Variants in EFHB observed in about 807,000 individuals in gnomAD.
EFHB encodes EF-hand domain-containing family member B.
EFHB carries 91 observed loss-of-function variants against 87.2 expected under a neutral mutation model. The ratio of observed to expected loss-of-function variants is 1.04; its 90% CI spans 0.88 to 1.24. EFHB has a LOEUF of 1.24. EFHB is among the 50% of genes most tolerant of loss of function. EFHB has a pLI of 0.00. For synonymous variants in EFHB, 325 were observed against 333.6 expected (o/e 0.97, Z 0.28); for missense variants, 1,084 against 998.8 (o/e 1.09, Z -1.15).
chr3:19,912,041 G>A (rs1222579467), intron 5 of EFHB, among the ~76,000 whole-genome samples: 1 of 152,018 alleles, frequency 6.6e-6, no homozygotes, highest in African/African-American at 2.4e-5. Flanking sequence ...TTTATTCAAA[G>A]GGATAACAGA....
At chr3:19,929,506 C>T (rs1257137872) in intron 1 of EFHB, among the ~76,000 whole-genome samples, 1 of 151,722 alleles carries the variant, frequency 6.6e-6, no homozygotes, top group Non-Finnish European at 1.5e-5. Flanking sequence ...GAGTTCAAGA[C>T]CAGCCTGGCC....
chr3:19,910,323 C>T (rs2929370), intron 5 of EFHB, among the ~76,000 whole-genome samples: 26,416 of 152,044 alleles, frequency 0.17, 2,701 homozygotes, highest in African/African-American at 0.27. Flanking sequence ...CAGTATTCCT[C>T]ATGGCCTGGG....
At chr3:19,920,206 T>C (rs926631885) in intron 2 of EFHB, among the ~76,000 whole-genome samples, 4 of 152,164 alleles carry the variant, frequency 2.6e-5, no homozygotes, top group African/African-American at 9.7e-5. Context: ...CTAAACAACA[T>C]ATTTTAAATG....
chr3:19,939,197 T>G (rs559884500), upstream of EFHB, among the ~76,000 whole-genome samples: 1 of 151,844 alleles, frequency 6.6e-6, no homozygotes, highest in African/African-American at 2.4e-5. Flanking sequence ...CGAGTCAACA[T>G]GCCCAGCCTA....
intron 5 of EFHB, among the ~76,000 whole-genome samples, chr3:19,907,574 T>C (rs1694881572): frequency 6.6e-6 from 1 of 152,186 alleles, no homozygotes; most frequent in Non-Finnish European, 1.5e-5. Flanking sequence ...CATCAGAACA[T>C]TGCGACCCTC....
intron 11 of EFHB, 33 bp downstream of exon 11, chr3:19,884,370 A>T: frequency 6.3e-7 from 1 of 1,591,142 alleles, no homozygotes; most frequent in Non-Finnish European, 8.6e-7. Context: ...CAGTTTGTTG[A>T]TGCTTTTAAA....
chr3:19,903,176 CA>C (rs376542389), intron 6 of EFHB, among the ~76,000 whole-genome samples: 28,007 of 133,614 alleles, frequency 0.21, 3,037 homozygotes, highest in Non-Finnish European at 0.28. Context: ...GACTCCATCT[CA>C]AAAAAAAAAA....
chr3:19,906,349 A>C (rs972493804), intron 5 of EFHB, among the ~76,000 whole-genome samples: 1 of 152,194 alleles, frequency 6.6e-6, no homozygotes, highest in Non-Finnish European at 1.5e-5. Context: ...AGAACTAATA[A>C]GTGAATTAAG....
upstream of EFHB, among the ~76,000 whole-genome samples, chr3:19,938,024 C>A (rs1344440925): frequency 6.6e-6 from 1 of 152,190 alleles, no homozygotes; most frequent in Non-Finnish European, 1.5e-5. Flanking sequence ...AGGTGGAAGA[C>A]TGAAGGGCAT....
intron 9 of EFHB, 105 bp downstream of exon 9, chr3:19,896,582 G>A (rs1231855256): frequency 2.1e-6 from 3 of 1,428,712 alleles, no homozygotes; most frequent in Admixed American, 1.7e-5. Flanking sequence ...CAAACAGTGG[G>A]CTGGATTTGG....
chr3:19,919,290 G>A (rs1353115139), intron 3 of EFHB, among the ~76,000 whole-genome samples: 1 of 151,778 alleles, frequency 6.6e-6, no homozygotes, highest in Admixed American at 6.6e-5. Flanking sequence ...TTCACCTCCC[G>A]GGTTCAAGTG....
chr3:19,931,955 A>G (rs1263286000), intron 1 of EFHB, among the ~76,000 whole-genome samples: 1 of 152,110 alleles, frequency 6.6e-6, no homozygotes. Flanking sequence ...TGGGGCATCA[A>G]TTGTCTCATA....
intron 9 of EFHB, 139 bp from the exon 10 acceptor site, chr3:19,888,790 CA>C: frequency 2.8e-6 from 2 of 707,568 alleles, no homozygotes; most frequent in Non-Finnish European, 4.6e-6. Context: ...GAAGAGGAGT[CA>C]AATACGCTGG....
intron 3 of EFHB, among the ~76,000 whole-genome samples, chr3:19,919,577 C>T (rs73190441): frequency 6.6e-6 from 1 of 152,136 alleles, no homozygotes; most frequent in African/African-American, 2.4e-5. Flanking sequence ...TGGAATGCAA[C>T]TAGGCTTTTA....
At position 19,919,982 on chromosome 3, in the gene EFHB, A is replaced by C. The variant is rs369190674; in HGVS notation, c.853-6T>G. ...GCTTCAGGTGGAGTAATTAGCTACA[A>C]AGAGTGAGGCAAGAAAATAGTATTA... On this transcript the variant is annotated splice_polypyrimidine_tract_variant and splice_region_variant and intron_variant, in intron 2 of 12. Coordinates refer to ENST00000295824, the MANE Select transcript of EFHB (RefSeq NM_144715.4). 8.1e-6 allele frequency: 13 copies of C among 1,613,442 alleles called. No individual in the cohort carries two copies. Among genetic ancestry groups the C allele is most frequent in the Non-Finnish European group, 1.0e-5 (12 of 1,179,682 alleles).
rs376244636 is a variant in EFHB, at chr3:19,882,592, T to G, written c.2286A>C (p.Gly762=). ...LLYPTIFARK[G]VFERDFFKTR... ...TCTTGAAGAAGTCTCTTTCAAACAC[T>G]CCTTTCCGGGCAAAAATGGTAGGAT... is the stretch of plus-strand genomic sequence containing the variant. The change falls in exon 12 of 13, where the codon GGA becomes GGC. Residue 762 remains glycine (G), a synonymous_variant. Transcript: ENST00000295824. The G allele has an allele frequency of 2.4e-5, 38 of 1,611,744 alleles. No individual in the cohort carries two copies. Among genetic ancestry groups the G allele is most frequent in the Non-Finnish European group, 3.1e-5 (37 of 1,178,710 alleles).
intron 1 of EFHB, among the ~76,000 whole-genome samples, chr3:19,926,146 A>G (rs952105199): frequency 7.3e-6 from 1 of 136,550 alleles, no homozygotes. Context: ...CTATTCCCAA[A>G]ATAGCTGTCA....
At chr3:19,930,056 C>T (rs908279041) in intron 1 of EFHB, among the ~76,000 whole-genome samples, 5 of 152,092 alleles carry the variant, frequency 3.3e-5, no homozygotes, top group Non-Finnish European at 5.9e-5. Context: ...TAAGGGCAAA[C>T]GAATTAATAC....
Position 19,901,543 on chromosome 3 carries a change from C to T in EFHB, c.1419-2028G>A, listed in dbSNP as rs553468129. Among the ~76,000 whole-genome samples, 12 of 152,248 alleles carry T rather than the reference C, an allele frequency of 7.9e-5. No homozygotes were observed. In the East Asian group the frequency reaches 2.1e-3, roughly 27 times the overall value. On this transcript the variant is annotated intron_variant, in intron 6 of 12. Coordinates refer to ENST00000295824, the MANE Select transcript of EFHB (RefSeq NM_144715.4). Reference sequence around the variant, plus strand: ...AAGAAGAAACATAAGTAATTCATCTCGTTTCTTCATTTCCTTCCCATTTGT... The same window carrying T: ...AAGAAGAAACATAAGTAATTCATCTTGTTTCTTCATTTCCTTCCCATTTGT...
Sources: gnomAD v4.1 joint callset for allele counts (sites outside exome capture counted in the v4.1 genomes callset) on GRCh38, gnomAD v4.1.1 for gene constraint, MANE v1.5 for transcripts, NCBI Gene and HGNC (gene_info 2026-07-23, HGNC 2026-07-21) for gene names.